Variants in CACNA2D3 observed in about 807,000 individuals in gnomAD.
CACNA2D3 encodes voltage-dependent calcium channel subunit alpha-2/delta-3.
A neutral mutation model predicts 160.6 loss-of-function variants in CACNA2D3; 60 were observed. That is an observed-to-expected ratio of 0.37 (90% CI 0.30 to 0.46). The LOEUF is 0.46. CACNA2D3 is among the 20% of genes least tolerant of loss of function. CACNA2D3 has a pLI of 1.00. For synonymous variants in CACNA2D3, 558 were observed against 492.9 expected (o/e 1.13, Z -1.75); for missense variants, 1,205 against 1,365.0 (o/e 0.88, Z 1.85).
intron 4 of CACNA2D3, among the ~76,000 whole-genome samples, chr3:54,402,132 A>G (rs1699478913): frequency 6.6e-6 from 1 of 152,202 alleles, no homozygotes; most frequent in Non-Finnish European, 1.5e-5. Context: ...TAGCATATAT[A>G]CCAATGATAA....
intron 2 of CACNA2D3, among the ~76,000 whole-genome samples, chr3:54,151,061 G>A (rs953354153): frequency 6.6e-6 from 1 of 151,844 alleles, no homozygotes; most frequent in African/African-American, 2.4e-5. Context: ...ATGGATGTGT[G>A]GGTGGATAGA....
intron 35 of CACNA2D3, among the ~76,000 whole-genome samples, chr3:55,054,559 T>G (rs1704315682): frequency 6.7e-6 from 1 of 150,266 alleles, no homozygotes; most frequent in African/African-American, 2.4e-5. Context: ...GTATAGCCAC[T>G]TTCTAAAGTT....
chr3:54,435,447 A>T (rs1308103507), intron 4 of CACNA2D3, among the ~76,000 whole-genome samples: 1 of 152,156 alleles, frequency 6.6e-6, no homozygotes, highest in African/African-American at 2.4e-5. Context: ...CACTGGGAAG[A>T]TGTCAGCAGG....
chr3:54,390,436 G>A (rs1172875876), intron 4 of CACNA2D3, among the ~76,000 whole-genome samples: 4 of 152,190 alleles, frequency 2.6e-5, no homozygotes, highest in Non-Finnish European at 5.9e-5. Context: ...AACAAGGAAA[G>A]GGAGCTAAAG....
chr3:54,754,029 G>T (rs901654055), intron 12 of CACNA2D3, among the ~76,000 whole-genome samples: 1 of 152,070 alleles, frequency 6.6e-6, no homozygotes, highest in Non-Finnish European at 1.5e-5. Context: ...TCTTATTAAC[G>T]AAATGGTGCA....
chr3:54,447,401 G>A (rs993332929), intron 4 of CACNA2D3, among the ~76,000 whole-genome samples: 1 of 152,188 alleles, frequency 6.6e-6, no homozygotes. Flanking sequence ...TCAAGCCTAA[G>A]AACCTCAAAT....
intron 2 of CACNA2D3, among the ~76,000 whole-genome samples, chr3:54,199,378 A>G (rs1304083836): frequency 6.6e-6 from 1 of 151,818 alleles, no homozygotes; most frequent in African/African-American, 2.4e-5. Context: ...TTATTTATTT[A>G]TTTTTGAGAC....
chr3:54,644,412 A>G (rs1034431391), intron 11 of CACNA2D3, among the ~76,000 whole-genome samples: 3 of 152,148 alleles, frequency 2.0e-5, no homozygotes, highest in South Asian at 2.1e-4. Context: ...CGACATTTTT[A>G]TACATATACA....
rs115357470 is a variant in CACNA2D3 at position 54,409,595 on chromosome 3, C to G, written c.381+22821C>G. Among the ~76,000 whole-genome samples the G allele has an allele frequency of 5.3e-3, 812 of 152,286 alleles. 8 individuals are homozygous for G. The highest frequency in any genetic ancestry group is 0.019 in the African/African-American group (772 of 41,564). ...GTTGAAAGCAGAGATGGGCCGAAAG[C>G]TAGGCCTCTTGCACCAAGCAGTTAG... On this transcript the variant is annotated intron_variant, in intron 4 of 37. Coordinates refer to ENST00000474759, the MANE Select transcript of CACNA2D3 (RefSeq NM_018398.3).
intron 11 of CACNA2D3, among the ~76,000 whole-genome samples, chr3:54,692,541 T>C (rs1355113165): frequency 1.3e-5 from 2 of 152,344 alleles, no homozygotes. Flanking sequence ...TATTCTTTTC[T>C]TTCTTTCTTT....
At chr3:54,351,109 G>A (rs1485903434) in intron 3 of CACNA2D3, among the ~76,000 whole-genome samples, 1 of 149,924 alleles carries the variant, frequency 6.7e-6, no homozygotes, top group African/African-American at 2.5e-5. Context: ...AGCTTCTCAA[G>A]TAGCTGGGAT....
At chr3:54,172,561 A>G (rs996163605) in intron 2 of CACNA2D3, among the ~76,000 whole-genome samples, 1 of 152,226 alleles carries the variant, frequency 6.6e-6, no homozygotes, top group African/African-American at 2.4e-5. Flanking sequence ...GAAGGTGACT[A>G]CTAATTCTAT....
At chr3:54,411,471 T>C (rs1295295886) in intron 4 of CACNA2D3, among the ~76,000 whole-genome samples, 1 of 152,056 alleles carries the variant, frequency 6.6e-6, no homozygotes, top group African/African-American at 2.4e-5. Context: ...CAACATGGAG[T>C]CAAGACCCTC....
intron 2 of CACNA2D3, among the ~76,000 whole-genome samples, chr3:54,189,571 G>A (rs1700943129): frequency 6.6e-6 from 1 of 152,166 alleles, no homozygotes. Flanking sequence ...AATATGCTGT[G>A]TGAGGTGGAA....
rs1314338949 is a variant in CACNA2D3, at chr3:54,191,895, A to G, written c.204+68301A>G. 2.0e-5 allele frequency among the ~76,000 whole-genome samples: 3 copies of G among 152,168 alleles called. No individual in the cohort carries two copies. In the East Asian group the frequency reaches 5.8e-4, roughly 29 times the overall value. ...GTTAGCTGTTGCTGTTGTTGATTAT[A>G]TTGCATAACAACACCAAATCCACTG... On this transcript the variant is annotated intron_variant, in intron 2 of 37. Coordinates refer to ENST00000474759, the MANE Select transcript of CACNA2D3 (RefSeq NM_018398.3).
chr3:54,306,282 AG>A (rs1264776258), intron 2 of CACNA2D3, among the ~76,000 whole-genome samples: 1 of 152,072 alleles, frequency 6.6e-6, no homozygotes, highest in African/African-American at 2.4e-5. Context: ...AACAGATGTT[AG>A]GAGAAAAAAA....
At chr3:54,585,494 C>T (rs917889760) in intron 9 of CACNA2D3, among the ~76,000 whole-genome samples, 1 of 152,124 alleles carries the variant, frequency 6.6e-6, no homozygotes, top group Admixed American at 6.5e-5. Context: ...TCATTAATCA[C>T]CTTATGTATT....
At chr3:54,952,700 C>T (rs1166761708) in intron 27 of CACNA2D3, among the ~76,000 whole-genome samples, 3 of 152,188 alleles carry the variant, frequency 2.0e-5, no homozygotes, top group African/African-American at 7.2e-5. Flanking sequence ...CTGGTGCCCG[C>T]ATAGTTCCCT....
intron 2 of CACNA2D3, among the ~76,000 whole-genome samples, chr3:54,179,940 T>A (rs967609690): frequency 1.3e-5 from 2 of 152,188 alleles, no homozygotes; most frequent in Non-Finnish European, 2.9e-5. Context: ...CCAAAATTCT[T>A]CAGCAGGGTC....
Sources: allele counts gnomAD v4.1 joint callset (sites outside exome capture counted in the v4.1 genomes callset), GRCh38; gene constraint gnomAD v4.1.1; transcripts MANE v1.5; gene names NCBI Gene and HGNC (gene_info 2026-07-23, HGNC 2026-07-21).